Variants in ANKRD12 observed in about 807,000 individuals in gnomAD.
ANKRD12 encodes the protein ankyrin repeat domain 12, also known as ankyrin repeat domain-containing protein 12.
Under a neutral mutation model 183.4 loss-of-function variants are expected in ANKRD12, and 85 were observed. The observed-to-expected ratio is 0.46, with a 90% CI of 0.39 to 0.56. The LOEUF is 0.56. ANKRD12 is among the 20% of genes least tolerant of loss of function. The pLI is 0.00. For missense variants in ANKRD12, 2,405 were observed against 2,357.1 expected (o/e 1.02, Z -0.42); for synonymous variants, 914 against 800.2 (o/e 1.14, Z -2.40).
intron 1 of ANKRD12, among the ~76,000 whole-genome samples, chr18:9,152,031 A>G (rs2078701633): frequency 6.6e-6 from 1 of 152,222 alleles, no homozygotes; most frequent in Non-Finnish European, 1.5e-5. Flanking sequence ...AGCCTAGGCA[A>G]CAAAGCAAGA....
intron 11 of ANKRD12, among the ~76,000 whole-genome samples, chr18:9,277,696 G>A: frequency 6.6e-6 from 1 of 152,106 alleles, no homozygotes; most frequent in East Asian, 1.9e-4. Flanking sequence ...TCATAGCAGA[G>A]CTGGAAATTG....
intron 1 of ANKRD12, among the ~76,000 whole-genome samples, chr18:9,151,833 T>C (rs1047031038): frequency 2.0e-5 from 3 of 152,252 alleles, no homozygotes; most frequent in Admixed American, 2.0e-4. Context: ...ATATTTTATA[T>C]GCACTGGGGT....
At chr18:9,175,523 C>CTTTTTTTTT (rs33944736) in intron 1 of ANKRD12, among the ~76,000 whole-genome samples, 1,076 of 53,336 alleles carry the variant, frequency 0.02, 311 homozygotes, top group Non-Finnish European at 0.025. Context: ...AAAGGCTCCT[C>CTTTTTTTTT]TTTTTTTTTT....
chr18:9,254,514 A>G lies in ANKRD12; in HGVS notation c.1247A>G (p.Gln416Arg). ...FYPKSFKSKK[Q>R]KPSRVLYSST... ...CCTAAATCATTTAAAAGTAAAAAAC[A>G]AAAGCCATCTAGGGTCTTATATTCA... Residue 416 changes from glutamine (Q) to arginine (R), a missense_variant, in exon 9 of 13, where the codon CAA becomes CGA. Physicochemically the swap from Gln to Arg is conservative, Grantham distance 43 (BLOSUM62 1). Coordinates refer to ENST00000262126, the MANE Select transcript of ANKRD12 (RefSeq NM_015208.5). 1 of 1,542,244 alleles carries G rather than the reference A, an allele frequency of 6.5e-7. No homozygotes were observed.
intron 1 of ANKRD12, among the ~76,000 whole-genome samples, chr18:9,167,753 T>C (rs1392823387): frequency 1.3e-5 from 2 of 152,164 alleles, no homozygotes; most frequent in African/African-American, 2.4e-5. Flanking sequence ...TCCAACACTG[T>C]GTTGAATAGG....
intron 8 of ANKRD12, among the ~76,000 whole-genome samples, chr18:9,227,886 C>CA (rs1339471825): frequency 1.3e-5 from 2 of 152,174 alleles, no homozygotes; most frequent in African/African-American, 4.8e-5. Context: ...AATCTGCTAT[C>CA]AAACATTAGA....
At chr18:9,261,627 G>A (rs1272772869) in intron 9 of ANKRD12, among the ~76,000 whole-genome samples, 1 of 152,184 alleles carries the variant, frequency 6.6e-6, no homozygotes, top group East Asian at 1.9e-4. Context: ...TGACAAAATG[G>A]TGTGAAATGA....
chr18:9,216,646 T>G, intron 6 of ANKRD12, 112 bp from the exon 7 acceptor site: 1 of 1,045,114 alleles, frequency 9.6e-7, no homozygotes, highest in South Asian at 1.7e-5. Flanking sequence ...TCCTTTTTTT[T>G]TGCACGATGT....
chr18:9,207,718 G>A (rs189361456), intron 4 of ANKRD12, among the ~76,000 whole-genome samples: 1 of 151,832 alleles, frequency 6.6e-6, no homozygotes, highest in East Asian at 1.9e-4. Context: ...TATTTTTGCA[G>A]CTCCTCTTTG....
At chr18:9,273,642 A>G (rs1231930253) in intron 10 of ANKRD12, among the ~76,000 whole-genome samples, 1 of 152,208 alleles carries the variant, frequency 6.6e-6, no homozygotes, top group Non-Finnish European at 1.5e-5. Flanking sequence ...TATCCAAGAG[A>G]AATGAAAACA....
chr18:9,163,547 G>GT (rs1243478487), intron 1 of ANKRD12, among the ~76,000 whole-genome samples: 2 of 151,740 alleles, frequency 1.3e-5, no homozygotes, highest in African/African-American at 4.8e-5. Context: ...TTTTAAAGTA[G>GT]TTTTTTTTCT....
chr18:9,155,568 A>G (rs1369952247), intron 1 of ANKRD12, among the ~76,000 whole-genome samples: 1 of 152,206 alleles, frequency 6.6e-6, no homozygotes, highest in Non-Finnish European at 1.5e-5. Context: ...ATATATCCCA[A>G]TTTTTATCCC....
chr18:9,235,410 G>C (rs2037286790), intron 8 of ANKRD12, among the ~76,000 whole-genome samples: 1 of 152,066 alleles, frequency 6.6e-6, no homozygotes, highest in South Asian at 2.1e-4. Flanking sequence ...TTCATCATAG[G>C]TAAAGAGAAG....
Position 9,176,533 on chromosome 18 carries a change from T to A in ANKRD12, c.-51-5849T>A, listed in dbSNP as rs894875418. Among the ~76,000 whole-genome samples, 14 of 152,252 alleles carry A rather than the reference T, an allele frequency of 9.2e-5. No homozygotes were observed. In the South Asian group the frequency reaches 1.7e-3, roughly 18 times the overall value. The stretch of plus-strand genomic sequence containing the variant: ...CTTAAACTCCTGAGCTCAAGCAGTC[T>A]GTCTGCCTCAGCCTCCCAAAGTGCT... On this transcript the variant is annotated intron_variant, in intron 1 of 12. Transcript: ENST00000262126.
At chr18:9,203,278 T>G (rs1390843965) in intron 3 of ANKRD12, among the ~76,000 whole-genome samples, 2 of 152,198 alleles carry the variant, frequency 1.3e-5, no homozygotes, top group Non-Finnish European at 2.9e-5. Flanking sequence ...CACTAAACTT[T>G]TAGGCTTATC....
intron 2 of ANKRD12, among the ~76,000 whole-genome samples, chr18:9,183,833 A>T (rs556636434): frequency 6.6e-6 from 1 of 152,076 alleles, no homozygotes; most frequent in Admixed American, 6.5e-5. Flanking sequence ...ATGATAATTT[A>T]TATGTGCAGT....
In ANKRD12 at chr18:9,279,445, T is replaced by G; in HGVS notation, c.5908-104T>G. On this transcript the variant is annotated intron_variant, in intron 11 of 12. Transcript: ENST00000262126. ...ATTTATATATTTCTCAAAATATATT[T>G]TCATCGTTACTAAGAAAGCAGCATA... The G allele has an allele frequency of 4.3e-6, 3 of 701,888 alleles. No homozygotes were observed. In the South Asian group the frequency reaches 5.3e-5, roughly 12 times the overall value. The allele number at this position is 701,888 out of a possible 1,614,324, so 43.5% of individuals were successfully genotyped here.
intron 2 of ANKRD12, among the ~76,000 whole-genome samples, chr18:9,190,523 G>T (rs547782830): frequency 6.6e-6 from 1 of 152,336 alleles, no homozygotes; most frequent in South Asian, 2.1e-4. Context: ...TTGAAAAGAA[G>T]TTCTGTGGGT....
rs777618200 is a variant in ANKRD12, at chr18:9,255,458, A to T, written c.2191A>T (p.Lys731Ter). 6.4e-7 allele frequency: 1 copy of T among 1,573,646 alleles called. No homozygotes were observed. Among genetic ancestry groups the T allele is most frequent in the Non-Finnish European group, 8.6e-7 (1 of 1,168,516 alleles). ...AAAATCAAAATTGGAAAAAAACATC[A>T]AAGATGATAAATCAACCAAGGAAAA... ...EKKSKLEKNIKDDKSTKEKHV... is the reference protein window; with the variant it reads ...EKKSKLEKNI The change falls in exon 9 of 13, where the codon AAA becomes TAA. Residue 731 changes from lysine to a stop codon, truncating the protein, a stop_gained. Transcript: ENST00000262126. LOFTEE classifies it high-confidence loss of function.
Sources: allele counts gnomAD v4.1 joint callset (sites outside exome capture counted in the v4.1 genomes callset), GRCh38; gene constraint gnomAD v4.1.1; transcripts MANE v1.5; gene names NCBI Gene and HGNC (gene_info 2026-07-23, HGNC 2026-07-21).